FRMD4B: variants seen among roughly 807,000 people sequenced by gnomAD.
FRMD4B encodes FERM domain-containing protein 4B.
Under a neutral mutation model 141.5 loss-of-function variants are expected in FRMD4B, and 74 were observed. That is an observed-to-expected ratio of 0.52 (90% CI 0.43 to 0.63). The LOEUF (loss-of-function observed/expected upper bound fraction) is 0.63. Ranked by LOEUF, FRMD4B falls within the 30% of genes least tolerant of loss-of-function variation. The pLI is 0.00. For missense variants in FRMD4B, 1,366 were observed against 1,253.4 expected (o/e 1.09, Z -1.36); for synonymous variants, 506 against 467.9 (o/e 1.08, Z -1.05).
At chr3:69,250,204 C>A in intron 5 of FRMD4B, 105 bp from the exon 6 acceptor site, 5 of 806,614 alleles carry the variant, frequency 6.2e-6, no homozygotes, top group Non-Finnish European at 1.1e-5. Context: ...CTCCAGTTTA[C>A]GATCAAATGC....
At position 69,282,772 on chromosome 3, in the gene FRMD4B, G is replaced by A. The variant is rs190007464; in HGVS notation, c.501+4980C>T. ...CCTGCCTCAGCCTCCGGAGTAGGTG[G>A]AATTACAGGCGCCCACCACCACACC... On this transcript the variant is annotated intron_variant, in intron 5 of 22. Transcript: ENST00000398540. Among the ~76,000 whole-genome samples the A allele has an allele frequency of 8.9e-3, 1,347 of 151,924 alleles. 9 individuals are homozygous for A. Among genetic ancestry groups the A allele is most frequent in the Non-Finnish European group, 0.013 (915 of 67,944 alleles).
intron 1 of FRMD4B, among the ~76,000 whole-genome samples, chr3:69,486,438 T>TA (rs11429298): frequency 0.31 from 46,767 of 151,946 alleles, 8,677 homozygotes; most frequent in East Asian, 0.58. Flanking sequence ...CCTTATAGCT[T>TA]AGCTCCCAAA....
Position 69,265,583 on chromosome 3 carries a change from G to A in FRMD4B, c.502-15484C>T, listed in dbSNP as rs553243244. ...CTGCCTCAGCCTCCCGAGTAGCTGG[G>A]ACTATAGGCGCCCACCACCAAGCCC... On this transcript the variant is annotated intron_variant, in intron 5 of 22. Coordinates refer to ENST00000398540, the MANE Select transcript of FRMD4B (RefSeq NM_015123.3). Among the ~76,000 whole-genome samples, 39 of 150,772 alleles carry A rather than the reference G, an allele frequency of 2.6e-4. No individual in the cohort carries two copies. The South Asian group carries it at 7.6e-3, about 30-fold the overall frequency.
rs144432329 is a variant in FRMD4B at position 69,302,989 on chromosome 3, G to A, written c.324-554C>T. On this transcript the variant is annotated intron_variant, in intron 3 of 22. Coordinates refer to ENST00000398540, the MANE Select transcript of FRMD4B (RefSeq NM_015123.3). ...CCTGGGAGGCTGAGGCAGGAGAATC[G>A]CTTGAACCCGGGAGGCGGAGGTTGC... Among the ~76,000 whole-genome samples, 1,039 of 152,232 alleles carry A rather than the reference G, an allele frequency of 6.8e-3. 10 individuals carry two copies. Among genetic ancestry groups the A allele is most frequent in the African/African-American group, 0.024 (976 of 41,530 alleles).
At chr3:69,525,505 G>A (rs557937862) in intron 1 of FRMD4B, among the ~76,000 whole-genome samples, 2 of 152,204 alleles carry the variant, frequency 1.3e-5, no homozygotes, top group African/African-American at 4.8e-5. Context: ...ATCAACACAT[G>A]CAGATCCACT....
intron 1 of FRMD4B, among the ~76,000 whole-genome samples, chr3:69,510,986 T>G (rs1023179849): frequency 2.6e-5 from 4 of 152,228 alleles, no homozygotes; most frequent in Non-Finnish European, 5.9e-5. Flanking sequence ...TATTTACATG[T>G]GGGGTCATTT....
chr3:69,521,194 CA>C (rs112088394), intron 1 of FRMD4B, among the ~76,000 whole-genome samples: 6,033 of 152,264 alleles, frequency 0.04, 336 homozygotes, highest in East Asian at 0.12. Context: ...AGCAGATGTG[CA>C]CCCACTATGG....
intron 5 of FRMD4B, among the ~76,000 whole-genome samples, chr3:69,276,055 C>T (rs2093616566): frequency 6.6e-6 from 1 of 152,110 alleles, no homozygotes; most frequent in Non-Finnish European, 1.5e-5. Context: ...CTAAGGAAGG[C>T]TAGCCTATTC....
chr3:69,390,793 T>C (rs1704363251), upstream of FRMD4B, among the ~76,000 whole-genome samples: 1 of 152,170 alleles, frequency 6.6e-6, no homozygotes, highest in Admixed American at 6.5e-5. Flanking sequence ...CTTAGGAGGC[T>C]GAGGCGGAAG....
chr3:69,436,499 T>TA (rs545247362), intron 1 of FRMD4B, among the ~76,000 whole-genome samples: 43 of 152,324 alleles, frequency 2.8e-4, no homozygotes, highest in Non-Finnish European at 5.3e-4. Context: ...GATGGGATTG[T>TA]AAAATGGTGC....
intron 1 of FRMD4B, among the ~76,000 whole-genome samples, chr3:69,456,186 G>A (rs893479209): frequency 6.6e-6 from 1 of 151,804 alleles, no homozygotes; most frequent in Non-Finnish European, 1.5e-5. Flanking sequence ...CTGCTTCACA[G>A]CCAAGGTGTA....
At chr3:69,466,131 C>T (rs1430966392) in intron 1 of FRMD4B, among the ~76,000 whole-genome samples, 1 of 152,100 alleles carries the variant, frequency 6.6e-6, no homozygotes, top group Non-Finnish European at 1.5e-5. Flanking sequence ...TTGCATTTCT[C>T]TAATGACCAG....
intron 18 of FRMD4B, among the ~76,000 whole-genome samples, chr3:69,188,298 T>C (rs892787506): frequency 2.0e-5 from 3 of 152,174 alleles, no homozygotes; most frequent in African/African-American, 7.2e-5. Context: ...ACTTTTAAAG[T>C]TTTTAGGCCT....
At chr3:69,178,105 G>A (rs1001694154) in intron 21 of FRMD4B, among the ~76,000 whole-genome samples, 3 of 152,122 alleles carry the variant, frequency 2.0e-5, no homozygotes, top group African/African-American at 7.2e-5. Flanking sequence ...TCTGCTCCAC[G>A]CCTAGGATGG....
At chr3:69,459,828 T>C (rs1024112970) in intron 1 of FRMD4B, among the ~76,000 whole-genome samples, 2 of 152,238 alleles carry the variant, frequency 1.3e-5, no homozygotes, top group Non-Finnish European at 1.5e-5. Flanking sequence ...CTCTTTTGTG[T>C]TCCATATTGA....
At chr3:69,300,256 A>T (rs937355782) in intron 4 of FRMD4B, among the ~76,000 whole-genome samples, 2 of 152,234 alleles carry the variant, frequency 1.3e-5, no homozygotes, top group African/African-American at 2.4e-5. Flanking sequence ...AGTAAAAACA[A>T]CTACTTAATT....
At chr3:69,353,724 C>T (rs1703231061) in intron 1 of FRMD4B, 3 of 983,822 alleles carry the variant, frequency 3.0e-6, no homozygotes, top group Non-Finnish European at 3.6e-6. Context: ...AAACTCCCGA[C>T]GCCTTCCGCT....
rs541977968 is a variant in FRMD4B at position 69,355,819 on chromosome 3, G to T, written c.162+30009C>A. 4.6e-3 allele frequency among the ~76,000 whole-genome samples: 705 copies of T among 152,256 alleles called. 7 individuals carry two copies. The highest frequency in any genetic ancestry group is 0.016 in the African/African-American group (678 of 41,546). ...GTTGGCAGATCACCTGAGGTAAGGG[G>T]TTTGAGACCAGCCTGGCCAACATGG... On this transcript the variant is annotated intron_variant, in intron 1 of 22. Coordinates refer to ENST00000398540, the MANE Select transcript of FRMD4B (RefSeq NM_015123.3).
Position 69,216,165 on chromosome 3 carries a change from A to G in FRMD4B, c.876+98T>C, listed in dbSNP as rs184789533. 99 of 705,010 alleles carry G rather than the reference A, an allele frequency of 1.4e-4. No homozygotes were observed. The East Asian group carries it at 2.9e-3, about 21-fold the overall frequency. 43.7% of individuals were successfully genotyped at this position (705,010 alleles called of 1,614,324 possible). A position where few individuals can be genotyped will look rare whatever the true frequency, so the allele number is the denominator to read the frequency against. ...TGAGACTCCATCTCAAAAAAAACCAAAAAAACCCCAACAACCTAATGGTGT... is the reference window on the plus strand; with the variant it reads ...TGAGACTCCATCTCAAAAAAAACCAGAAAAACCCCAACAACCTAATGGTGT... On this transcript the variant is annotated intron_variant, in intron 11 of 22. Transcript: ENST00000398540.
Sources: allele counts gnomAD v4.1 joint callset (sites outside exome capture counted in the v4.1 genomes callset), GRCh38; gene constraint gnomAD v4.1.1; transcripts MANE v1.5; gene names NCBI Gene and HGNC (gene_info 2026-07-23, HGNC 2026-07-21).